The following ZMYM2 variants were observed in gnomAD, a reference collection of about 807,000 sequenced individuals.
ZMYM2 encodes zinc finger MYM-type protein 2.
Under a neutral mutation model 162.8 loss-of-function variants are expected in ZMYM2, and 56 were observed. The observed-to-expected ratio is 0.34, with a 90% CI of 0.28 to 0.43. ZMYM2 has a LOEUF of 0.43. ZMYM2 is among the 20% of genes least tolerant of loss of function. The probability of loss-of-function intolerance (pLI) is 1.00; values close to 1 mark genes in which losing one functional copy is unlikely to be tolerated. For synonymous variants in ZMYM2, 510 were observed against 541.6 expected (o/e 0.94, Z 0.81); for missense variants, 1,275 against 1,621.8 (o/e 0.79, Z 3.67).
At chr13:20,020,177 AC>A (rs1951951248) in intron 7 of ZMYM2, among the ~76,000 whole-genome samples, 2 of 152,132 alleles carry the variant, frequency 1.3e-5, no homozygotes, top group South Asian at 4.1e-4. Context: ...CAAATGAAAA[AC>A]AATTATTTCT....
chr13:20,012,204 C>T (rs1951256017), intron 6 of ZMYM2, among the ~76,000 whole-genome samples: 1 of 151,712 alleles, frequency 6.6e-6, no homozygotes, highest in South Asian at 2.1e-4. Flanking sequence ...TGAGATGGGT[C>T]TCGGTCTGTA....
intron 21 of ZMYM2, among the ~76,000 whole-genome samples, chr13:20,069,889 A>G (rs1415062066): frequency 1.3e-5 from 2 of 152,136 alleles, no homozygotes; most frequent in Non-Finnish European, 2.9e-5. Context: ...AAGGCAACTA[A>G]TGCCCTGGTA....
chr13:20,085,742 C>CT, intron 24 of ZMYM2, 80 bp from the exon 25 acceptor site: 1 of 1,343,106 alleles, frequency 7.4e-7, no homozygotes, highest in South Asian at 1.5e-5. Context: ...TTAATGGGGT[C>CT]TGAATTATTC....
At chr13:20,030,033 G>T (rs1252909682) in intron 9 of ZMYM2, among the ~76,000 whole-genome samples, 12 of 151,826 alleles carry the variant, frequency 7.9e-5, no homozygotes, top group African/African-American at 2.9e-4. Flanking sequence ...GACTTCCAGC[G>T]ATCCGCCTGC....
chr13:19,928,613 G>A, the ZMYM2 span, among the ~76,000 whole-genome samples: 795 of 152,062 alleles, frequency 5.2e-3, 5 homozygotes, highest in Non-Finnish European at 8.9e-3. Context: ...CCTGGCCAAC[G>A]TGGCAAAACC....
At chr13:20,073,325 C>G (rs1328791446) in intron 21 of ZMYM2, among the ~76,000 whole-genome samples, 1 of 152,104 alleles carries the variant, frequency 6.6e-6, no homozygotes, top group Non-Finnish European at 1.5e-5. Context: ...TGTAATATAG[C>G]TACTTATATA....
the ZMYM2 span, among the ~76,000 whole-genome samples, chr13:19,867,350 CAAAAA>C: frequency 2.0e-5 from 2 of 101,544 alleles, no homozygotes; most frequent in Non-Finnish European, 2.1e-5. Context: ...AACTCCATCT[CAAAAA>C]AAAAAAAAAA....
At chr13:20,031,465 T>C (rs1953129563) in intron 10 of ZMYM2, 30 bp downstream of exon 10, 1 of 1,380,838 alleles carries the variant, frequency 7.2e-7, no homozygotes, top group South Asian at 1.4e-5. Context: ...GTGTGTTATC[T>C]AATGCTAAAA....
chr13:19,870,072 G>A, the ZMYM2 span, among the ~76,000 whole-genome samples: 1 of 152,190 alleles, frequency 6.6e-6, no homozygotes, highest in South Asian at 2.1e-4. Flanking sequence ...GGGGCTGATG[G>A]ATCTGCTTAT....
At chr13:20,010,343 G>A (rs145821243) in intron 6 of ZMYM2, among the ~76,000 whole-genome samples, 3 of 152,006 alleles carry the variant, frequency 2.0e-5, no homozygotes, top group Non-Finnish European at 4.4e-5. Flanking sequence ...CCACAGGCAC[G>A]GGCCACTACG....
At chr13:19,937,338 C>T in the ZMYM2 span, among the ~76,000 whole-genome samples, 1 of 151,844 alleles carries the variant, frequency 6.6e-6, no homozygotes, top group Non-Finnish European at 1.5e-5. Context: ...AGGGGTTTCA[C>T]CATGTTGGTC....
At chr13:20,019,148 A>G (rs1384171680) in intron 6 of ZMYM2, among the ~76,000 whole-genome samples, 2 of 152,098 alleles carry the variant, frequency 1.3e-5, no homozygotes, top group Non-Finnish European at 2.9e-5. Context: ...TATGGTGGAA[A>G]TTGTAGCTGT....
the ZMYM2 span, among the ~76,000 whole-genome samples, chr13:19,934,379 T>C: frequency 3.1e-4 from 47 of 152,234 alleles, no homozygotes; most frequent in Non-Finnish European, 4.6e-4. Flanking sequence ...AGGCTGGTCT[T>C]GAACTCCTGA....
chr13:19,940,249 T>C, the ZMYM2 span, among the ~76,000 whole-genome samples: 4 of 152,206 alleles, frequency 2.6e-5, no homozygotes, highest in Non-Finnish European at 4.4e-5. Flanking sequence ...TCTTCCTTAA[T>C]GGTGAGCCAG....
At chr13:19,927,141 A>G in the ZMYM2 span, among the ~76,000 whole-genome samples, 1 of 152,114 alleles carries the variant, frequency 6.6e-6, no homozygotes, top group Non-Finnish European at 1.5e-5. Flanking sequence ...TATCTTTTTC[A>G]TGTATTTATT....
chr13:19,966,479 A>G (rs1955797933), intron 2 of ZMYM2, among the ~76,000 whole-genome samples: 1 of 143,644 alleles, frequency 7.0e-6, no homozygotes, highest in African/African-American at 2.6e-5. Context: ...TTGGATACAG[A>G]GTTTTGCTCT....
chr13:19,959,577 C>T lies in ZMYM2; in HGVS notation c.-79-381C>T, dbSNP rs116238514. On this transcript the variant is annotated intron_variant, in intron 1 of 24. Coordinates refer to ENST00000610343, the MANE Select transcript of ZMYM2 (RefSeq NM_197968.4). ...CGGCCCAGCAGTGACGTGAGCCGCC[C>T]CTTACCTCTGAATTGGTACTTGGAG... 9.7e-3 allele frequency among the ~76,000 whole-genome samples: 1,473 copies of T among 152,242 alleles called. 21 individuals are homozygous for T. Among genetic ancestry groups the T allele is most frequent in the Middle Eastern group, 0.037 (11 of 294 alleles).
Position 20,002,833 on chromosome 13 carries a change from T to C in ZMYM2, c.848-17T>C. 2.5e-6 allele frequency: 4 copies of C among 1,608,706 alleles called. No individual in the cohort carries two copies. The highest frequency in any genetic ancestry group is 3.4e-6 in the Non-Finnish European group (4 of 1,176,678). Reference sequence around the variant, plus strand: ...ACACTTGTTTCATTATTCTTTCTTGTGCATTTTGTTTTTAAGATTCTTGGA... The same window carrying C: ...ACACTTGTTTCATTATTCTTTCTTGCGCATTTTGTTTTTAAGATTCTTGGA... On this transcript the variant is annotated splice_polypyrimidine_tract_variant and intron_variant, in intron 3 of 24. Transcript: ENST00000610343.
chr13:19,964,950 T>A (rs1379255146), intron 2 of ZMYM2, among the ~76,000 whole-genome samples: 2 of 152,214 alleles, frequency 1.3e-5, no homozygotes, highest in Non-Finnish European at 2.9e-5. Flanking sequence ...ATTAAACTTA[T>A]TTGTCTCTAA....
Sources: allele counts gnomAD v4.1 joint callset (sites outside exome capture counted in the v4.1 genomes callset), GRCh38; gene constraint gnomAD v4.1.1; transcripts MANE v1.5; gene names NCBI Gene and HGNC (gene_info 2026-07-23, HGNC 2026-07-21).